The following PATJ variants were observed in gnomAD, a reference collection of about 807,000 sequenced individuals.
PATJ encodes the protein inaD-like protein.
PATJ carries 190 observed loss-of-function variants against 224.9 expected under a neutral mutation model. That is an observed-to-expected ratio of 0.84 (90% CI 0.75 to 0.95). The LOEUF (loss-of-function observed/expected upper bound fraction) is 0.95, where lower values mean the gene tolerates loss of function less well. PATJ is among the 40% of genes least tolerant of loss of function. The pLI, the probability that PATJ is intolerant of heterozygous loss-of-function variation, is 0.00. For missense variants in PATJ, 2,121 were observed against 2,270.3 expected, an observed-to-expected ratio of 0.93 and a Z score of 1.34; for synonymous variants, 769 against 820.3, an observed-to-expected ratio of 0.94 and a Z score of 1.07.
At chr1:61,964,790 AAAAAAG>A (rs1681841206) in intron 27 of PATJ, among the ~76,000 whole-genome samples, 2 of 152,036 alleles carry the variant, frequency 1.3e-5, no homozygotes, top group South Asian at 4.2e-4. Flanking sequence ...CTCAACTCTT[AAAAAAG>A]AAAAAGAAAT....
intron 41 of PATJ, among the ~76,000 whole-genome samples, chr1:62,140,180 G>A (rs1667354260): frequency 6.6e-6 from 1 of 152,118 alleles, no homozygotes; most frequent in South Asian, 2.1e-4. Flanking sequence ...CTACAAAATA[G>A]GCAGAAGCGT....
chr1:62,004,463 A>G (rs540509373), intron 28 of PATJ, among the ~76,000 whole-genome samples: 3 of 152,326 alleles, frequency 2.0e-5, no homozygotes, highest in Non-Finnish European at 2.9e-5. Flanking sequence ...TAGGACTAAA[A>G]ATGAGTTACT....
chr1:61,793,220 C>T (rs574695791), intron 9 of PATJ, among the ~76,000 whole-genome samples: 10 of 152,002 alleles, frequency 6.6e-5, no homozygotes, highest in African/African-American at 1.2e-4. Context: ...ACTATGGGTG[C>T]GCATGTGAAA....
At chr1:61,908,565 A>G in intron 25 of PATJ, 83 bp downstream of exon 25, 1 of 806,832 alleles carries the variant, frequency 1.2e-6, no homozygotes, top group Non-Finnish European at 2.1e-6. Context: ...AGTATTTTCC[A>G]CATATTTTCA....
chr1:61,777,426 A>T (rs892410294), intron 7 of PATJ, among the ~76,000 whole-genome samples: 2 of 152,126 alleles, frequency 1.3e-5, no homozygotes, highest in Admixed American at 6.5e-5. Context: ...TTAGCTGGGC[A>T]TGGTGCTACT....
chr1:62,024,244 G>C (rs1647329928), intron 29 of PATJ, among the ~76,000 whole-genome samples: 1 of 152,122 alleles, frequency 6.6e-6, no homozygotes, highest in Non-Finnish European at 1.5e-5. Context: ...CCTCCTCCTT[G>C]ATTTTTTTGG....
Position 62,128,003 on chromosome 1 carries a change from C to G in PATJ, c.5075C>G (p.Ala1692Gly). Residue 1692 changes from alanine (A) to glycine (G), a missense_variant, in exon 40 of 44, where the codon GCT (alanine) becomes GGT (glycine). Coordinates refer to ENST00000642238, the MANE Select transcript of PATJ (RefSeq NM_001350145.3). Reference sequence around the variant, plus strand: ...AGTGATGCCCTTGGAATCAGTATTGCTGGAGGAAGAGGAAGTCCCTTAGGA... The same window carrying G: ...AGTGATGCCCTTGGAATCAGTATTGGTGGAGGAAGAGGAAGTCCCTTAGGA... ...ELSDALGISI[A>G]GGRGSPLGDI... 6.2e-7 allele frequency: 1 copy of G among 1,613,932 alleles called. No homozygotes were observed. Among genetic ancestry groups the G allele is most frequent in the Non-Finnish European group, 8.5e-7 (1 of 1,179,854 alleles).
intron 19 of PATJ, among the ~76,000 whole-genome samples, chr1:61,863,751 C>T (rs1664988974): frequency 6.6e-6 from 1 of 152,136 alleles, no homozygotes; most frequent in Non-Finnish European, 1.5e-5. Context: ...TAGAGACATA[C>T]TCCCCATATC....
At chr1:61,799,847 C>G (rs575174953) in intron 11 of PATJ, among the ~76,000 whole-genome samples, 1 of 152,254 alleles carries the variant, frequency 6.6e-6, no homozygotes, top group Non-Finnish European at 1.5e-5. Flanking sequence ...ATAATGGCCT[C>G]CAGCACCATT....
chr1:61,878,311 G>T (rs1483450241), intron 21 of PATJ, among the ~76,000 whole-genome samples: 1 of 152,112 alleles, frequency 6.6e-6, no homozygotes, highest in Non-Finnish European at 1.5e-5. Flanking sequence ...TGTCATATGG[G>T]AATGGAGGCC....
chr1:61,989,657 G>T (rs1050838783), intron 27 of PATJ, among the ~76,000 whole-genome samples: 1 of 152,018 alleles, frequency 6.6e-6, no homozygotes, highest in African/African-American at 2.4e-5. Context: ...TTTTTAGTGC[G>T]GGTGGGTTGG....
chr1:61,858,472 G>A (rs1422463139), intron 18 of PATJ, among the ~76,000 whole-genome samples: 2 of 152,104 alleles, frequency 1.3e-5, no homozygotes, highest in Non-Finnish European at 2.9e-5. Context: ...ATGTTGGCCA[G>A]GCTGGTCTTG....
intron 27 of PATJ, among the ~76,000 whole-genome samples, chr1:61,938,433 A>T (rs945496536): frequency 6.6e-6 from 1 of 152,196 alleles, no homozygotes; most frequent in African/African-American, 2.4e-5. Context: ...ATCTGGTATT[A>T]TGCTTACTAC....
At position 61,769,289 on chromosome 1, in the gene PATJ, C is replaced by G; in HGVS notation, c.391C>G (p.Gln131Glu). The G allele has an allele frequency of 6.2e-7, 1 of 1,601,784 alleles. No individual in the cohort carries two copies. The highest frequency in any genetic ancestry group is 8.5e-7 in the Non-Finnish European group (1 of 1,176,026). The change falls in exon 5 of 44, where the codon CAA becomes GAA. Residue 131 changes from glutamine to glutamate, a missense_variant. By Grantham distance (29) the Gln-to-Glu change is conservative. Transcript: ENST00000642238. Reference sequence around the variant, plus strand: ...TTTAACGCTCCTTCATTAGGGCCGGCAAATTGAATATATAGATATAGAACG... The same window carrying G: ...TTTAACGCTCCTTCATTAGGGCCGGGAAATTGAATATATAGATATAGAACG... Reference protein sequence around the residue: ...SVIQQMAQGRQIEYIDIERPS... With the variant: ...SVIQQMAQGREIEYIDIERPS...
At chr1:61,813,380 C>T (rs6678152) in intron 14 of PATJ, among the ~76,000 whole-genome samples, 3,241 of 19,766 alleles carry the variant, frequency 0.16, 56 homozygotes, top group Middle Eastern at 0.25. Context: ...TATATATATA[C>T]ACACACACAC....
At chr1:61,979,393 G>C (rs1321760093) in intron 27 of PATJ, among the ~76,000 whole-genome samples, 2 of 152,032 alleles carry the variant, frequency 1.3e-5, no homozygotes, top group Non-Finnish European at 2.9e-5. Flanking sequence ...GGTGGTTCAG[G>C]CCTGTAATCC....
chr1:61,900,920 A>T (rs953347003), intron 23 of PATJ, among the ~76,000 whole-genome samples: 1 of 152,106 alleles, frequency 6.6e-6, no homozygotes. Context: ...TGTCTTGCCC[A>T]TTTGTTATTT....
intron 33 of PATJ, among the ~76,000 whole-genome samples, chr1:62,101,693 A>C (rs1353433016): frequency 6.6e-6 from 1 of 152,196 alleles, no homozygotes; most frequent in African/African-American, 2.4e-5. Flanking sequence ...TTGTGGAATA[A>C]AGGGAGTTTT....
intron 3 of PATJ, among the ~76,000 whole-genome samples, chr1:61,765,889 A>G (rs1646242839): frequency 6.6e-6 from 1 of 152,224 alleles, no homozygotes; most frequent in Non-Finnish European, 1.5e-5. Flanking sequence ...AGTTATTATC[A>G]TTATATACTA....
Sources: allele counts gnomAD v4.1 joint callset (sites outside exome capture counted in the v4.1 genomes callset), GRCh38; gene constraint gnomAD v4.1.1; transcripts MANE v1.5; gene names NCBI Gene and HGNC (gene_info 2026-07-23, HGNC 2026-07-21).